The following MCTP1 variants were observed in gnomAD, a reference collection of about 807,000 sequenced individuals.
MCTP1 encodes the protein multiple C2 and transmembrane domain-containing protein 1.
Under a neutral mutation model 120.6 loss-of-function variants are expected in MCTP1, and 69 were observed. That is an observed-to-expected ratio of 0.57 (90% confidence interval 0.47 to 0.70). The LOEUF (loss-of-function observed/expected upper bound fraction) is 0.70. Ranked by LOEUF, MCTP1 falls within the 30% of genes least tolerant of loss-of-function variation. MCTP1 has a pLI of 0.00. For missense variants in MCTP1, 1,203 were observed against 1,248.8 expected (o/e 0.96, Z 0.55); for synonymous variants, 529 against 493.1 (o/e 1.07, Z -0.96).
chr5:95,114,109 C>T (rs747755930), intron 1 of MCTP1, among the ~76,000 whole-genome samples: 6 of 152,132 alleles, frequency 3.9e-5, no homozygotes, highest in Non-Finnish European at 5.9e-5. Context: ...AATAAAGAGC[C>T]CTTGGGTCCT....
intron 5 of MCTP1, among the ~76,000 whole-genome samples, chr5:94,939,699 T>C (rs1022879612): frequency 1.7e-4 from 26 of 152,042 alleles, no homozygotes; most frequent in African/African-American, 6.0e-4. Flanking sequence ...TTCTCTGTTA[T>C]GGTACACCTG....
intron 1 of MCTP1, among the ~76,000 whole-genome samples, chr5:95,134,527 G>A (rs952690557): frequency 1.2e-4 from 19 of 152,198 alleles, no homozygotes; most frequent in Admixed American, 6.5e-5. Context: ...CAGTCCTTCC[G>A]CTTTTCAGGT....
At position 94,953,357 on chromosome 5, in the gene MCTP1, C is replaced by A; in HGVS notation, c.843G>T (p.Thr281=). 1.2e-6 allele frequency: 2 copies of A among 1,602,612 alleles called. No homozygotes were observed. Among genetic ancestry groups the A allele is most frequent in the South Asian group, 1.1e-5 (1 of 89,194 alleles). ...TTTTAAACTTCACATATGGATCACTCGTCCCTGTTAAATAGATAGATTGAT... is the reference window on the plus strand; with the variant it reads ...TTTTAAACTTCACATATGGATCACTAGTCCCTGTTAAATAGATAGATTGAT... ...QSLAARDRGG[T]SDPYVKFKIG... Residue 281 remains threonine (T), a synonymous_variant, in exon 3 of 23, where the codon ACG becomes ACT. Coordinates refer to ENST00000515393, the MANE Select transcript of MCTP1 (RefSeq NM_024717.7).
At chr5:95,038,377 T>A (rs1423841069) in intron 1 of MCTP1, among the ~76,000 whole-genome samples, 2 of 152,216 alleles carry the variant, frequency 1.3e-5, no homozygotes, top group African/African-American at 4.8e-5. Flanking sequence ...ATATCCATGA[T>A]AATATACCAA....
intron 1 of MCTP1, among the ~76,000 whole-genome samples, chr5:95,150,028 A>G (rs950510150): frequency 1.3e-5 from 2 of 152,078 alleles, no homozygotes; most frequent in Admixed American, 6.5e-5. Context: ...GGTTTCTTAG[A>G]CAATTCACTT....
rs553343054 is a variant in MCTP1, at chr5:94,754,790, C to G, written c.2610+24320G>C. On this transcript the variant is annotated intron_variant, in intron 19 of 22. Coordinates refer to ENST00000515393, the MANE Select transcript of MCTP1 (RefSeq NM_024717.7). The stretch of plus-strand genomic sequence containing the variant: ...ACCTAGGCCTGCCATTTACACCTTT[C>G]CCCATCCCACTGATTTTGACCTTTC... Among the ~76,000 whole-genome samples the G allele has an allele frequency of 3.7e-4, 57 of 152,300 alleles. 1 individual carries two copies. Among genetic ancestry groups the G allele is most frequent in the Middle Eastern group, 3.4e-3 (1 of 294 alleles).
At chr5:95,073,437 A>G (rs755009123) in intron 1 of MCTP1, among the ~76,000 whole-genome samples, 2 of 152,014 alleles carry the variant, frequency 1.3e-5, no homozygotes, top group African/African-American at 4.8e-5. Context: ...GTCCCCCACC[A>G]TCTCCTCAAC....
chr5:94,704,370 C>A lies in MCTP1; in HGVS notation c.*3126G>T, dbSNP rs543113406. The A allele has an allele frequency of 3.3e-5, 5 of 151,474 alleles. No individual in the cohort carries two copies. In the South Asian group the frequency reaches 1.0e-3, roughly 31 times the overall value. 9.4% of individuals were successfully genotyped at this position (151,474 alleles called of 1,614,324 possible). On this transcript the variant is annotated 3_prime_UTR_variant, in exon 23 of 23. Coordinates refer to ENST00000515393, the MANE Select transcript of MCTP1 (RefSeq NM_024717.7). ...ACTGCCTTATACCTTTTTGTTTGTT[C>A]TTAATGCTTAGTCAACATTATAAAC...
At chr5:94,765,080 C>T (rs1772263288) in intron 19 of MCTP1, among the ~76,000 whole-genome samples, 1 of 151,732 alleles carries the variant, frequency 6.6e-6, no homozygotes. Flanking sequence ...AACTAGAAAT[C>T]AATAAAAAGA....
chr5:94,891,104 T>C (rs1391555741), intron 11 of MCTP1, among the ~76,000 whole-genome samples: 5 of 151,938 alleles, frequency 3.3e-5, no homozygotes, highest in Admixed American at 2.6e-4. Flanking sequence ...CCTTCGTATA[T>C]TGAGAGGAGG....
At chr5:94,787,612 G>T (rs959049847) in intron 18 of MCTP1, among the ~76,000 whole-genome samples, 1 of 144,162 alleles carries the variant, frequency 6.9e-6, no homozygotes, top group Non-Finnish European at 1.5e-5. Context: ...AGCACTTACT[G>T]TTTTTTTTTG....
chr5:95,196,584 C>A (rs1049254761), intron 1 of MCTP1, among the ~76,000 whole-genome samples: 7 of 152,134 alleles, frequency 4.6e-5, no homozygotes, highest in African/African-American at 1.7e-4. Flanking sequence ...GAGAAAGAGT[C>A]GATATAATCC....
chr5:95,190,585 T>C (rs1202100858), intron 1 of MCTP1, among the ~76,000 whole-genome samples: 5 of 151,864 alleles, frequency 3.3e-5, no homozygotes, highest in African/African-American at 1.2e-4. Flanking sequence ...CAGGAAAGAG[T>C]TGAGCTTTTG....
chr5:94,996,187 G>A (rs1020770306), intron 2 of MCTP1, among the ~76,000 whole-genome samples: 1 of 152,088 alleles, frequency 6.6e-6, no homozygotes, highest in Admixed American at 6.6e-5. Context: ...TTTCTGAAAG[G>A]AGGCCTAATT....
intron 1 of MCTP1, among the ~76,000 whole-genome samples, chr5:95,050,382 T>C (rs757538829): frequency 4.6e-5 from 7 of 152,248 alleles, no homozygotes; most frequent in Non-Finnish European, 1.0e-4. Context: ...CTGGGATTCC[T>C]GTATTTTTAT....
intron 2 of MCTP1, among the ~76,000 whole-genome samples, chr5:95,005,961 C>T (rs1334856743): frequency 6.6e-6 from 1 of 152,116 alleles, no homozygotes; most frequent in Non-Finnish European, 1.5e-5. Context: ...GGGCAAGACA[C>T]TATCTCATTG....
intron 19 of MCTP1, among the ~76,000 whole-genome samples, chr5:94,761,970 C>T (rs1771460287): frequency 2.0e-5 from 3 of 152,206 alleles, no homozygotes; most frequent in Admixed American, 2.0e-4. Flanking sequence ...ACTGCCAGAC[C>T]AAGCCACCTT....
intron 18 of MCTP1, among the ~76,000 whole-genome samples, chr5:94,780,957 A>G (rs1377271800): frequency 6.6e-6 from 1 of 152,132 alleles, no homozygotes; most frequent in Non-Finnish European, 1.5e-5. Flanking sequence ...AGTTGAAGTG[A>G]TATATGCCAG....
chr5:95,148,890 T>C (rs1005617331), intron 1 of MCTP1, among the ~76,000 whole-genome samples: 1 of 152,194 alleles, frequency 6.6e-6, no homozygotes, highest in Non-Finnish European at 1.5e-5. Flanking sequence ...GCCAAAGATA[T>C]GTTCAGCATC....
Sources: gnomAD v4.1 joint callset for allele counts (sites outside exome capture counted in the v4.1 genomes callset) on GRCh38, gnomAD v4.1.1 for gene constraint, MANE v1.5 for transcripts, NCBI Gene and HGNC (gene_info 2026-07-23, HGNC 2026-07-21) for gene names.